The following GLDN variants were observed in gnomAD, a reference collection of about 807,000 sequenced individuals.
GLDN encodes collomin.
A neutral mutation model predicts 56.5 loss-of-function variants in GLDN; 47 were observed. The observed-to-expected ratio is 0.83, with a 90% CI of 0.66 to 1.06. The LOEUF (loss-of-function observed/expected upper bound fraction) is 1.06. GLDN is among the 50% of genes least tolerant of loss of function. GLDN has a pLI of 0.00. For missense variants in GLDN, 782 were observed against 714.3 expected (o/e 1.09, Z -1.08); for synonymous variants, 332 against 278.8 (o/e 1.19, Z -1.90).
chr15:51,359,978 C>CAAAAA (rs58874237), intron 1 of GLDN, among the ~76,000 whole-genome samples: 6 of 92,718 alleles, frequency 6.5e-5, no homozygotes, highest in African/African-American at 1.1e-4. Flanking sequence ...GACTCTGTCT[C>CAAAAA]AAAAAAAAAA....
chr15:51,361,284 C>A (rs1169874617), intron 1 of GLDN, among the ~76,000 whole-genome samples: 1 of 152,176 alleles, frequency 6.6e-6, no homozygotes, highest in Non-Finnish European at 1.5e-5. Context: ...TAATTTGTCA[C>A]CTTTAGTCAC....
chr15:51,401,806 T>A, intron 9 of GLDN, 63 bp downstream of exon 9: 1 of 1,484,638 alleles, frequency 6.7e-7, no homozygotes, highest in South Asian at 1.2e-5. Context: ...GGTGCTTTTG[T>A]GAGCAATTAG....
At chr15:51,378,403 C>T (rs2037681777) in intron 2 of GLDN, among the ~76,000 whole-genome samples, 1 of 152,226 alleles carries the variant, frequency 6.6e-6, no homozygotes, top group Non-Finnish European at 1.5e-5. Flanking sequence ...AAGCATCTTT[C>T]TTCCATCTCT....
intron 1 of GLDN, among the ~76,000 whole-genome samples, chr15:51,366,173 A>G (rs60416781): frequency 0.13 from 19,849 of 152,058 alleles, 2,588 homozygotes; most frequent in African/African-American, 0.34. Context: ...CTGACCGGGG[A>G]GAAGAACAAT....
rs773034470 is a variant in GLDN at position 51,341,989 on chromosome 15, C to A, written c.305C>A (p.Pro102Gln). Residue 102 changes from proline (P) to glutamine (Q), a missense_variant, in exon 1 of 10, where the codon CCG becomes CAG. Coordinates refer to ENST00000335449, the MANE Select transcript of GLDN (RefSeq NM_181789.4). ...CGCAGCCACAGCGGCGAGCCCGCGC[C>A]GCATATCCGCGCCGAGAGCCATGAC... Reference protein sequence around the residue: ...NKRSHSGEPAPHIRAESHDML... With the variant: ...NKRSHSGEPAQHIRAESHDML... The A allele has an allele frequency of 3.1e-6, 5 of 1,597,822 alleles. No individual in the cohort carries two copies. The highest frequency in any genetic ancestry group is 1.1e-5 in the South Asian group (1 of 91,050).
chr15:51,347,301 C>T (rs1343465538), intron 1 of GLDN, among the ~76,000 whole-genome samples: 1 of 152,140 alleles, frequency 6.6e-6, no homozygotes, highest in African/African-American at 2.4e-5. Flanking sequence ...TCAACTACCC[C>T]AAAATATAAT....
chr15:51,383,807 G>T lies in GLDN; in HGVS notation c.456G>T (p.Leu152Phe), dbSNP rs1451894123. 5 of 1,612,286 alleles carry T rather than the reference G, an allele frequency of 3.1e-6. No homozygotes were observed. In the South Asian group the frequency reaches 4.4e-5, roughly 14 times the overall value. ...GPPGPPGAGG[L>F]PGHNGLDGQP... ...CAGGACCTCCGGGAGCCGGCGGGTT[G>T]CCAGGACACAACGGATTGGATGGAC... The change falls in exon 4 of 10, where the codon TTG becomes TTT. Residue 152 changes from leucine (L) to phenylalanine (F), a missense_variant. Coordinates refer to ENST00000335449, the MANE Select transcript of GLDN (RefSeq NM_181789.4).
intron 6 of GLDN, 52 bp downstream of exon 6, chr15:51,397,650 T>A (rs1240712944): frequency 1.4e-6 from 2 of 1,475,508 alleles, no homozygotes; most frequent in Non-Finnish European, 1.8e-6. Flanking sequence ...TATTCCAAAC[T>A]CTTGGTCTGC....
Position 51,406,578 on chromosome 15 carries a change from G to A in GLDN, c.*1824G>A, listed in dbSNP as rs2038388334. 1 of 152,194 alleles carries A rather than the reference G, an allele frequency of 6.6e-6. No individual in the cohort carries two copies. Among genetic ancestry groups the A allele is most frequent in the Non-Finnish European group, 1.5e-5 (1 of 68,048 alleles). The allele number at this position is 152,194 out of a possible 1,614,324, so 9.4% of individuals were successfully genotyped here. A position where few individuals can be genotyped will look rare whatever the true frequency, so the allele number is the denominator to read the frequency against. Reference sequence around the variant, plus strand: ...TCCCAGCTACTTTGGAGGCAGGGATGGGAGGATCACTTGAGGCCAGGATCT... The same window carrying A: ...TCCCAGCTACTTTGGAGGCAGGGATAGGAGGATCACTTGAGGCCAGGATCT... On this transcript the variant is annotated 3_prime_UTR_variant, in exon 10 of 10. Coordinates refer to ENST00000335449, the MANE Select transcript of GLDN (RefSeq NM_181789.4).
At position 51,347,015 on chromosome 15, in the gene GLDN, G is replaced by A. The variant is rs773241478; in HGVS notation, c.363+4968G>A. ...CAGGAGATGGAGGTTGCAGTGAGCC[G>A]AGGTGGCACTACTGTACTCCAGCTG... On this transcript the variant is annotated intron_variant, in intron 1 of 9. Transcript: ENST00000335449. Among the ~76,000 whole-genome samples the A allele has an allele frequency of 3.3e-5, 5 of 152,120 alleles. No homozygotes were observed. In the East Asian group the frequency reaches 5.8e-4, roughly 18 times the overall value.
chr15:51,385,472 G>A (rs1595828264), intron 4 of GLDN: 1 of 152,228 alleles, frequency 6.6e-6, no homozygotes, highest in African/African-American at 2.4e-5. Flanking sequence ...TGGAGATTCA[G>A]AAATAAGCCC....
chr15:51,345,907 A>G (rs919470459), intron 1 of GLDN, among the ~76,000 whole-genome samples: 1 of 152,238 alleles, frequency 6.6e-6, no homozygotes, highest in Non-Finnish European at 1.5e-5. Context: ...AATATTACTA[A>G]GAAATCAATA....
chr15:51,369,395 A>C (rs1031593343), intron 1 of GLDN, among the ~76,000 whole-genome samples: 5 of 152,280 alleles, frequency 3.3e-5, no homozygotes, highest in Admixed American at 3.3e-4. Flanking sequence ...CTTAGCATTT[A>C]AACAGTGTTC....
At position 51,379,601 on chromosome 15, in the gene GLDN, G is replaced by A. The variant is rs144782727; in HGVS notation, c.415+2101G>A. On this transcript the variant is annotated intron_variant, in intron 2 of 9. Transcript: ENST00000335449. ...ACTGGAACTGGCACTTCTCTCTGCA[G>A]ACTGATTTGTTTTTGGTGTTCATGG... is the stretch of plus-strand genomic sequence containing the variant. Among the ~76,000 whole-genome samples, 21 of 152,320 alleles carry A rather than the reference G, an allele frequency of 1.4e-4. No homozygotes were observed. In the East Asian group the frequency reaches 4.1e-3, roughly 29 times the overall value.
intron 4 of GLDN, among the ~76,000 whole-genome samples, chr15:51,392,711 A>T (rs2038048726): frequency 7.1e-6 from 1 of 141,112 alleles, no homozygotes; most frequent in African/African-American, 2.9e-5. Context: ...TTGGGTGTGA[A>T]CTGTGGGGTA....
chr15:51,375,516 T>G (rs4533220), intron 1 of GLDN, among the ~76,000 whole-genome samples: 6,456 of 152,346 alleles, frequency 0.042, 153 homozygotes, highest in East Asian at 0.095. Context: ...GCCTATGAAT[T>G]TAGCACAGTC....
intron 1 of GLDN, among the ~76,000 whole-genome samples, chr15:51,371,462 G>A (rs2141078991): frequency 6.6e-6 from 1 of 152,298 alleles, no homozygotes; most frequent in Non-Finnish European, 1.5e-5. Flanking sequence ...TGCCAGGTCA[G>A]CAAGAAGTCT....
chr15:51,397,444 C>T (rs1188978705), intron 5 of GLDN, 26 bp from the exon 6 acceptor site: 3 of 1,312,354 alleles, frequency 2.3e-6, no homozygotes, highest in Non-Finnish European at 3.0e-6. Flanking sequence ...GCCTCCTTCT[C>T]TCCCTTTCTC....
chr15:51,382,090 C>T (rs1472142079), intron 2 of GLDN, among the ~76,000 whole-genome samples: 1 of 152,194 alleles, frequency 6.6e-6, no homozygotes, highest in Non-Finnish European at 1.5e-5. Flanking sequence ...AAGTCCCCAC[C>T]TCTGTACCTT....
Sources: gnomAD v4.1 joint callset for allele counts (sites outside exome capture counted in the v4.1 genomes callset) on GRCh38, gnomAD v4.1.1 for gene constraint, MANE v1.5 for transcripts, NCBI Gene and HGNC (gene_info 2026-07-23, HGNC 2026-07-21) for gene names.